LRRFIP1: variants seen among roughly 807,000 people sequenced by gnomAD.
LRRFIP1 encodes leucine-rich repeat flightless-interacting protein 1.
LRRFIP1 carries 62 observed loss-of-function variants against 104.4 expected under a neutral mutation model. The ratio of observed to expected loss-of-function variants is 0.59; its 90% CI spans 0.48 to 0.73. LRRFIP1 has a LOEUF of 0.73. Among genes scored for constraint, LRRFIP1 ranks in the 30% least tolerant of loss-of-function variants. LRRFIP1 has a pLI of 0.00. For missense variants in LRRFIP1, 796 were observed against 824.5 expected (o/e 0.97, Z 0.42); for synonymous variants, 300 against 299.0 (o/e 1.00, Z -0.03).
chr2:237,718,265 C>T (rs143299430), intron 4 of LRRFIP1, among the ~76,000 whole-genome samples: 2 of 152,370 alleles, frequency 1.3e-5, no homozygotes, highest in East Asian at 1.9e-4. Flanking sequence ...CTCATGATTA[C>T]GACCAGCTGC....
intron 14 of LRRFIP1, among the ~76,000 whole-genome samples, chr2:237,751,496 T>G (rs1186340703): frequency 6.6e-6 from 1 of 152,174 alleles, no homozygotes; most frequent in Non-Finnish European, 1.5e-5. Context: ...GTAGAAAAGG[T>G]TACTAACATA....
At chr2:237,643,439 C>T (rs1158424485) in intron 1 of LRRFIP1, among the ~76,000 whole-genome samples, 1 of 152,274 alleles carries the variant, frequency 6.6e-6, no homozygotes, top group Non-Finnish European at 1.5e-5. Context: ...TCTGGCTATA[C>T]AGATGGGAGA....
intron 1 of LRRFIP1, among the ~76,000 whole-genome samples, chr2:237,695,770 A>T (rs1399207091): frequency 5.3e-5 from 8 of 150,156 alleles, no homozygotes; most frequent in East Asian, 1.9e-4. Flanking sequence ...TTTTTTTTTT[A>T]AATAAAGAAG....
intron 8 of LRRFIP1, 46 bp from the exon 9 acceptor site, chr2:237,733,728 G>A (rs774620144): frequency 1.3e-6 from 2 of 1,599,990 alleles, no homozygotes; most frequent in African/African-American, 1.3e-5. Flanking sequence ...ATTTGTTGCT[G>A]TTTTTTCAAG....
intron 13 of LRRFIP1, among the ~76,000 whole-genome samples, chr2:237,750,906 G>C (rs2058548739): frequency 6.6e-6 from 1 of 152,040 alleles, no homozygotes; most frequent in African/African-American, 2.4e-5. Flanking sequence ...TACTAAATAG[G>C]AGTTGAAATA....
chr2:237,666,553 C>T (rs1315617617), intron 1 of LRRFIP1, among the ~76,000 whole-genome samples: 2 of 139,364 alleles, frequency 1.4e-5, no homozygotes, highest in Non-Finnish European at 3.2e-5. Flanking sequence ...CTTCTTGCTC[C>T]TCTTCTTGGG....
At chr2:237,751,072 C>G (rs2058569288) in intron 13 of LRRFIP1, 128 bp from the exon 14 acceptor site, 1 of 611,484 alleles carries the variant, frequency 1.6e-6, no homozygotes, top group Non-Finnish European at 2.9e-6. Flanking sequence ...TCCCTTAACG[C>G]TTAATAAAAT....
At chr2:237,753,178 C>T (rs1305280355) in intron 14 of LRRFIP1, 131 bp from the exon 15 acceptor site, 4 of 616,380 alleles carry the variant, frequency 6.5e-6, no homozygotes, top group African/African-American at 5.8e-5. Flanking sequence ...TGTGTTTCTT[C>T]TTCTGATCCA....
chr2:237,678,996 T>C (rs1387143229), intron 1 of LRRFIP1, among the ~76,000 whole-genome samples: 1 of 152,178 alleles, frequency 6.6e-6, no homozygotes. Context: ...AGAGAGGATA[T>C]GTAACTTGCC....
chr2:237,637,099 C>T (rs920399190), intron 1 of LRRFIP1, among the ~76,000 whole-genome samples: 15 of 151,954 alleles, frequency 9.9e-5, no homozygotes, highest in African/African-American at 3.1e-4. Context: ...TTACTGAGAG[C>T]GAAATAAAAT....
intron 1 of LRRFIP1, among the ~76,000 whole-genome samples, chr2:237,706,334 C>T (rs2093806601): frequency 6.6e-6 from 1 of 152,120 alleles, no homozygotes; most frequent in South Asian, 2.1e-4. Context: ...CATCTCACCC[C>T]TCTGCTCCTC....
rs1342622862 is a variant in LRRFIP1 at position 237,779,721 on chromosome 2, T to G, written c.*189T>G. ...AGCCCCAGCAGCCACCAGGTGCCTC[T>G]GTCTGCAGACCCCTGGCCCGGGCTG... On this transcript the variant is annotated 3_prime_UTR_variant, in exon 24 of 24. Transcript: ENST00000308482. The G allele has an allele frequency of 1.9e-6, 1 of 519,148 alleles. No individual in the cohort carries two copies. Among genetic ancestry groups the G allele is most frequent in the Non-Finnish European group, 3.5e-6 (1 of 289,124 alleles). The allele number at this position is 519,148 out of a possible 1,614,324, so 32.2% of individuals were successfully genotyped here. A position where few individuals can be genotyped will look rare whatever the true frequency, so the allele number is the denominator to read the frequency against.
intron 19 of LRRFIP1, among the ~76,000 whole-genome samples, chr2:237,767,149 C>T (rs1390031713): frequency 6.6e-6 from 1 of 151,908 alleles, no homozygotes; most frequent in Non-Finnish European, 1.5e-5. Flanking sequence ...GCATTCCAGC[C>T]TGGGTGATGG....
intron 7 of LRRFIP1, among the ~76,000 whole-genome samples, chr2:237,725,326 A>G (rs2094699248): frequency 6.6e-6 from 1 of 152,222 alleles, no homozygotes. Flanking sequence ...AGCAAAGTGA[A>G]CAAGCCTGTG....
At chr2:237,654,932 C>T (rs562442759) in intron 1 of LRRFIP1, among the ~76,000 whole-genome samples, 1 of 152,022 alleles carries the variant, frequency 6.6e-6, no homozygotes, top group African/African-American at 2.4e-5. Flanking sequence ...AAGTGTCTAA[C>T]AACAGATGAA....
At position 237,735,850 on chromosome 2, in the gene LRRFIP1, G is replaced by A. The variant is rs538239902; in HGVS notation, c.555+517G>A. 5.8e-4 allele frequency among the ~76,000 whole-genome samples: 89 copies of A among 152,300 alleles called. No homozygotes were observed. The highest frequency in any genetic ancestry group is 2.0e-3 in the African/African-American group (82 of 41,566). On this transcript the variant is annotated intron_variant, in intron 10 of 23. Coordinates refer to ENST00000308482, the MANE Select transcript of LRRFIP1 (RefSeq NM_001137550.2). The surrounding 1 kb of genome is among the most constrained non-coding windows in gnomAD (Gnocchi z 4.6). ...ACCATAAACATTTGTGAATGAATGC[G>A]TGAGAAAAGCAACAAGGTAGAAAAA...
intron 1 of LRRFIP1, among the ~76,000 whole-genome samples, chr2:237,708,222 G>C (rs2093908755): frequency 6.6e-6 from 1 of 152,204 alleles, no homozygotes. Flanking sequence ...TACCCTCTCT[G>C]TGCCTTCGTT....
At chr2:237,688,073 C>T (rs983120106) in intron 1 of LRRFIP1, among the ~76,000 whole-genome samples, 5 of 152,242 alleles carry the variant, frequency 3.3e-5, no homozygotes, top group African/African-American at 1.2e-4. Flanking sequence ...GTCTCCTATA[C>T]TTCTGAGAAT....
In LRRFIP1 at chr2:237,739,315, T is replaced by C. The variant is rs1229418495; in HGVS notation, c.633+6T>C. 3.2e-6 allele frequency: 5 copies of C among 1,552,502 alleles called. No homozygotes were observed. In the South Asian group the frequency reaches 4.7e-5, roughly 15 times the overall value. ...CGGCCCGGGCCAGCCCTGTGGTAAG[T>C]CGGCCTCCTGGCCTTGCTCCTACTC... On this transcript the variant is annotated splice_donor_region_variant and intron_variant, in intron 11 of 23. Transcript: ENST00000308482.
Sources: allele counts gnomAD v4.1 joint callset (sites outside exome capture counted in the v4.1 genomes callset), GRCh38; gene constraint gnomAD v4.1.1; non-coding constraint Gnocchi (gnomAD v3.1); transcripts MANE v1.5; gene names NCBI Gene and HGNC (gene_info 2026-07-23, HGNC 2026-07-21).